The following EBF3 variants were observed in gnomAD, a reference collection of about 807,000 sequenced individuals.
The protein encoded by EBF3 is transcription factor COE3.
A neutral mutation model predicts 77.1 loss-of-function variants in EBF3; 18 were observed. The observed-to-expected ratio is 0.23, with a 90% CI of 0.16 to 0.35. EBF3 has a LOEUF of 0.35. EBF3 is among the 10% of genes least tolerant of loss of function. The pLI is 1.00. For synonymous variants in EBF3, 350 were observed against 343.5 expected, an observed-to-expected ratio of 1.02 and a Z score of -0.21; for missense variants, 558 against 860.0, an observed-to-expected ratio of 0.65 and a Z score of 4.39.
Position 129,959,016 on chromosome 10 carries a change from G to A in EBF3, c.412-9C>T. 6.3e-7 allele frequency: 1 copy of A among 1,597,796 alleles called. No homozygotes were observed. Among genetic ancestry groups the A allele is most frequent in the Non-Finnish European group, 8.5e-7 (1 of 1,173,600 alleles). On this transcript the variant is annotated splice_polypyrimidine_tract_variant and intron_variant, in intron 4 of 16. Coordinates refer to ENST00000440978, the MANE Select transcript of EBF3 (RefSeq NM_001375380.1). Reference sequence around the variant, plus strand: ...CCCTCGTAGACGATGGCCTGCGCGAGGGACAAGCAGAGGCTGGGGTTACGC... The same window carrying A: ...CCCTCGTAGACGATGGCCTGCGCGAAGGACAAGCAGAGGCTGGGGTTACGC...
chr10:129,860,692 G>A (rs567326624), intron 10 of EBF3, among the ~76,000 whole-genome samples: 178 of 152,328 alleles, frequency 1.2e-3, no homozygotes, highest in Middle Eastern at 6.8e-3. Context: ...AGGCCATGCT[G>A]GTCACCGTGG....
At position 129,870,796 on chromosome 10, in the gene EBF3, T is replaced by C. The variant is rs1852354700; in HGVS notation, c.781+2656A>G. 6.6e-6 allele frequency among the ~76,000 whole-genome samples: 1 copy of C among 152,130 alleles called. No homozygotes were observed. On this transcript the variant is annotated intron_variant, in intron 8 of 16. Transcript: ENST00000440978. The surrounding 1 kb of genome is among the most constrained non-coding windows in gnomAD (Gnocchi z 4.4). ...GACCCATATCTTTGGGTTTTTTTCC[T>C]TTCTTTTGGGGTCTCTCCACCCTAT... is the stretch of plus-strand genomic sequence containing the variant.
rs760244859 is a variant in EBF3 at position 129,963,472 on chromosome 10, G to C, written c.186C>G (p.Leu62=). The C allele has an allele frequency of 2.5e-6, 4 of 1,587,106 alleles. No individual in the cohort carries two copies. In the South Asian group the frequency reaches 3.4e-5, roughly 13 times the overall value. ...CGAAGTGGAAGAAATTGGATTTCCG[G>C]AGGTTGGAAGGCGGCTGCTTCTCGA... ...AHFEKQPPSN[L]RKSNFFHFVL... is the part of the protein sequence containing the mutation. The change falls in exon 2 of 17, where the codon CTC becomes CTG. Residue 62 remains leucine, a synonymous_variant. Coordinates refer to ENST00000440978, the MANE Select transcript of EBF3 (RefSeq NM_001375380.1). The surrounding 1 kb of genome is among the most constrained non-coding windows in gnomAD (Gnocchi z 7.1).
intron 6 of EBF3, among the ~76,000 whole-genome samples, chr10:129,948,272 A>C (rs1256761275): frequency 2.1e-5 from 3 of 143,978 alleles, no homozygotes; most frequent in South Asian, 4.4e-4. Flanking sequence ...AAAAAAAAAA[A>C]AAAAAAAAAA....
chr10:129,865,856 C>A (rs1186355850), intron 10 of EBF3, among the ~76,000 whole-genome samples: 2 of 152,186 alleles, frequency 1.3e-5, no homozygotes, highest in African/African-American at 4.8e-5. Flanking sequence ...TCCCATTGGG[C>A]GTCCTTCAGG....
At chr10:129,933,719 G>T (rs1857178573) in intron 6 of EBF3, among the ~76,000 whole-genome samples, 1 of 152,194 alleles carries the variant, frequency 6.6e-6, no homozygotes, top group Non-Finnish European at 1.5e-5. Flanking sequence ...CCAGACCACA[G>T]GGGGGCTCCT....
At chr10:129,948,083 C>T (rs1423008226) in intron 6 of EBF3, among the ~76,000 whole-genome samples, 2 of 151,746 alleles carry the variant, frequency 1.3e-5, no homozygotes, top group African/African-American at 2.4e-5. Context: ...ATGGTGAAAC[C>T]CCGTCTCTAC....
At chr10:129,895,439 C>T (rs945765644) in intron 6 of EBF3, among the ~76,000 whole-genome samples, 3 of 152,228 alleles carry the variant, frequency 2.0e-5, no homozygotes, top group Non-Finnish European at 4.4e-5. Flanking sequence ...CTGAGCTGGG[C>T]TGCGGCCCAG....
At chr10:129,959,372 C>T (rs1859301391) in intron 4 of EBF3, among the ~76,000 whole-genome samples, 1 of 151,920 alleles carries the variant, frequency 6.6e-6, no homozygotes, top group Non-Finnish European at 1.5e-5. Context: ...CCGGGGCTCC[C>T]GGGCCCCTTC....
At chr10:129,945,057 C>T (rs952754649) in intron 6 of EBF3, among the ~76,000 whole-genome samples, 14 of 72,752 alleles carry the variant, frequency 1.9e-4, no homozygotes, top group South Asian at 1.8e-3. Flanking sequence ...GGAAGATGGG[C>T]GGGGAGGGGA....
In EBF3 at chr10:129,935,984, C is replaced by T. The variant is rs556220161; in HGVS notation, c.554+21274G>A. Among the ~76,000 whole-genome samples the T allele has an allele frequency of 6.6e-5, 10 of 150,784 alleles. No homozygotes were observed. The highest frequency in any genetic ancestry group is 2.2e-4 in the African/African-American group (9 of 40,086). On this transcript the variant is annotated intron_variant, in intron 6 of 16. Transcript: ENST00000440978. This position sits in a 1 kb window ranked among gnomAD's most constrained non-coding sequence, Gnocchi z 4.2. The stretch of plus-strand genomic sequence containing the variant: ...CGGGGGGCTTCCTGAAGCTGCCCCC[C>T]CCGCCCAACAATGCAGCTGGTGCCC...
At chr10:129,958,052 T>C (rs990337071) in intron 5 of EBF3, among the ~76,000 whole-genome samples, 3 of 152,258 alleles carry the variant, frequency 2.0e-5, no homozygotes, top group Admixed American at 6.5e-5. Flanking sequence ...ATCTGTGCGC[T>C]TTCTATGTTA....
chr10:129,920,840 G>A (rs1856246289), intron 6 of EBF3, among the ~76,000 whole-genome samples: 1 of 152,198 alleles, frequency 6.6e-6, no homozygotes, highest in Non-Finnish European at 1.5e-5. Context: ...GGGGCAGAAG[G>A]GGGCACCAGG....
intron 6 of EBF3, among the ~76,000 whole-genome samples, chr10:129,892,796 G>A (rs1040759872): frequency 5.3e-5 from 8 of 152,162 alleles, no homozygotes; most frequent in Non-Finnish European, 1.2e-4. Context: ...AAACCACATC[G>A]AAACGAGGCA....
rs374174875 is a variant in EBF3 at position 129,949,832 on chromosome 10, A to G, written c.554+7426T>C. On this transcript the variant is annotated intron_variant, in intron 6 of 16. Transcript: ENST00000440978. ...ACCTGGACTCAGCTGGCAGGCCTCA[A>G]TGGTCAGGGTTGGTCTTTCTCCCTT... Among the ~76,000 whole-genome samples the G allele has an allele frequency of 1.0e-3, 159 of 152,156 alleles. 4 individuals are homozygous for G. The South Asian group carries it at 0.022, about 21-fold the overall frequency.
intron 6 of EBF3, among the ~76,000 whole-genome samples, chr10:129,930,842 G>C (rs970371010): frequency 1.5e-5 from 2 of 130,676 alleles, no homozygotes; most frequent in African/African-American, 5.9e-5. Context: ...ATCTGTATCT[G>C]TCTATATCTA....
At chr10:129,867,963 A>ACGCTGGGC (rs1277072179) in intron 8 of EBF3, 51 bp from the exon 9 acceptor site, 20 of 1,593,086 alleles carry the variant, frequency 1.3e-5, no homozygotes, top group Non-Finnish European at 1.7e-5. Context: ...TCCTCCTCCG[A>ACGCTGGGC]CGCTGGGCCG....
In EBF3 at chr10:129,964,116, T is replaced by TC; in HGVS notation, c.-349dup. 1.0e-6 allele frequency: 1 copy of TC among 984,998 alleles called. No homozygotes were observed. The highest frequency in any genetic ancestry group is 4.7e-5 in the South Asian group (1 of 21,290). The allele number at this position is 984,998 out of a possible 1,614,324, so 61.0% of individuals were successfully genotyped here. A position where few individuals can be genotyped will look rare whatever the true frequency, so the allele number is the denominator to read the frequency against. On this transcript the variant is annotated 5_prime_UTR_variant, in exon 1 of 17. Coordinates refer to ENST00000440978, the MANE Select transcript of EBF3 (RefSeq NM_001375380.1). This position sits in a 1 kb window ranked among gnomAD's most constrained non-coding sequence, Gnocchi z 4.5. ...TCCGCGGCTGCAGGACACTGCGGGA[T>TC]CGCCCGCTTCTGGCGCGGCCCGCCT...
At chr10:129,888,624 T>A in intron 6 of EBF3, among the ~76,000 whole-genome samples, 1 of 152,190 alleles carries the variant, frequency 6.6e-6, no homozygotes. Context: ...CCGGCCGCGG[T>A]GGGAACCGAA....
Sources: gnomAD v4.1 joint callset for allele counts (sites outside exome capture counted in the v4.1 genomes callset) on GRCh38, gnomAD v4.1.1 for gene constraint, Gnocchi (gnomAD v3.1) non-coding constraint, MANE v1.5 for transcripts, NCBI Gene and HGNC (gene_info 2026-07-23, HGNC 2026-07-21) for gene names.